METTL15: variants seen among roughly 807,000 people sequenced by gnomAD.
METTL15 encodes methyltransferase 15, mitochondrial 12S rRNA N4-cytidine, also known as 12S rRNA N(4)-cytidine methyltransferase METTL15.
METTL15 carries 34 observed loss-of-function variants against 38.3 expected under a neutral mutation model. The ratio of observed to expected loss-of-function variants is 0.89; its 90% CI spans 0.68 to 1.18. METTL15 has a LOEUF of 1.18. Ranked by LOEUF, METTL15 falls within the 50% of genes most tolerant of loss-of-function variation. The probability of loss-of-function intolerance (pLI) is 0.00; values close to 1 mark genes in which losing one functional copy is unlikely to be tolerated. For synonymous variants in METTL15, 162 were observed against 170.9 expected, an observed-to-expected ratio of 0.95 and a Z score of 0.41; for missense variants, 438 against 498.4, an observed-to-expected ratio of 0.88 and a Z score of 1.15.
At chr11:28,149,865 AAAG>A (rs1850019239) in intron 3 of METTL15, among the ~76,000 whole-genome samples, 1 of 152,034 alleles carries the variant, frequency 6.6e-6, no homozygotes, top group African/African-American at 2.4e-5. Context: ...GAGAGTCAAT[AAAG>A]AAAATTCTGA....
intron 6 of METTL15, among the ~76,000 whole-genome samples, chr11:28,319,631 T>C (rs1849391986): frequency 6.6e-6 from 1 of 152,152 alleles, no homozygotes; most frequent in Non-Finnish European, 1.5e-5. Flanking sequence ...CTCAGAATTT[T>C]TGTAAGAATT....
Position 28,245,490 on chromosome 11 carries a change from T to A in METTL15, c.407+34292T>A, listed in dbSNP as rs539835626. The stretch of plus-strand genomic sequence containing the variant: ...CAAAGCTTGATTTTTTTAGTGATCA[T>A]GAAAAAAAAAGTATCACATGAAAAT... On this transcript the variant is annotated intron_variant, in intron 4 of 6. Coordinates refer to ENST00000407364, the MANE Select transcript of METTL15 (RefSeq NM_001113528.2). Among the ~76,000 whole-genome samples, 45 of 151,724 alleles carry A rather than the reference T, an allele frequency of 3.0e-4. No homozygotes were observed. In the East Asian group the frequency reaches 6.8e-3, roughly 23 times the overall value.
At chr11:28,260,573 G>T (rs186370510) in intron 4 of METTL15, among the ~76,000 whole-genome samples, 7 of 152,096 alleles carry the variant, frequency 4.6e-5, no homozygotes, top group African/African-American at 1.7e-4. Flanking sequence ...TTTGTTGACT[G>T]ATTCGTTCCC....
At chr11:28,276,512 G>A (rs1855848513) in intron 4 of METTL15, among the ~76,000 whole-genome samples, 1 of 152,074 alleles carries the variant, frequency 6.6e-6, no homozygotes, top group African/African-American at 2.4e-5. Flanking sequence ...TGACCATATT[G>A]CCCAAAGCAA....
chr11:28,525,606 A>G (rs1851803703), intron 6 of METTL15, among the ~76,000 whole-genome samples: 1 of 152,216 alleles, frequency 6.6e-6, no homozygotes. Context: ...AGCTAGACAC[A>G]GAGTGCTGAT....
chr11:28,219,068 C>T (rs1206297085), intron 4 of METTL15, among the ~76,000 whole-genome samples: 1 of 152,082 alleles, frequency 6.6e-6, no homozygotes. Context: ...ATGATGCTGG[C>T]CTCATAAAAT....
intron 2 of METTL15, among the ~76,000 whole-genome samples, chr11:28,112,923 G>A (rs1386579941): frequency 1.3e-5 from 2 of 152,112 alleles, no homozygotes; most frequent in Non-Finnish European, 2.9e-5. Context: ...AATCCGTTCA[G>A]TCATCCTGAT....
At chr11:28,108,820 A>G (rs1038516552) in intron 1 of METTL15, among the ~76,000 whole-genome samples, 20 of 152,192 alleles carry the variant, frequency 1.3e-4, no homozygotes, top group African/African-American at 4.8e-4. Context: ...GTTTATTATT[A>G]GGTGAAGTGA....
intron 6 of METTL15, among the ~76,000 whole-genome samples, chr11:28,455,279 G>T (rs569092844): frequency 8.2e-4 from 111 of 135,928 alleles, no homozygotes; most frequent in Non-Finnish European, 1.3e-3. Flanking sequence ...TTAGCCCATG[G>T]TATCAATTTA....
At chr11:28,166,087 T>G (rs1163096423) in intron 3 of METTL15, among the ~76,000 whole-genome samples, 1 of 152,186 alleles carries the variant, frequency 6.6e-6, no homozygotes, top group East Asian at 1.9e-4. Flanking sequence ...CTTCCAACTT[T>G]GTTATTTTTG....
At position 28,369,952 on chromosome 11, in the gene METTL15, A is replaced by C. The variant is rs1205008511; in HGVS notation, c.*358+7916A>C. 5.3e-5 allele frequency among the ~76,000 whole-genome samples: 8 copies of C among 152,176 alleles called. No individual in the cohort carries two copies. In the East Asian group the frequency reaches 1.3e-3, roughly 26 times the overall value. On this transcript the variant is annotated intron_variant and NMD_transcript_variant, in intron 5 of 7. Transcript: ENST00000532947. ...AAATTTTATTCTCTCATTAATACTT[A>C]ATGGGTATACATATGTTGGAGGTAC...
chr11:28,429,056 C>T (rs1345437362), intron 6 of METTL15, among the ~76,000 whole-genome samples: 1 of 152,130 alleles, frequency 6.6e-6, no homozygotes, highest in South Asian at 2.1e-4. Flanking sequence ...CTACCTCTCT[C>T]CTACATGGTA....
intron 3 of METTL15, among the ~76,000 whole-genome samples, chr11:28,186,766 AT>A (rs200408958): frequency 4.6e-5 from 7 of 150,584 alleles, no homozygotes; most frequent in East Asian, 3.9e-4. Flanking sequence ...GTAATATAAC[AT>A]TTTTTTTTAA....
At chr11:28,414,657 G>C (rs1850758165) in intron 5 of METTL15, among the ~76,000 whole-genome samples, 1 of 151,994 alleles carries the variant, frequency 6.6e-6, no homozygotes, top group Non-Finnish European at 1.5e-5. Context: ...TTTATTTTTT[G>C]TTTTTGAGAA....
At chr11:28,406,462 A>G (rs142093675) in intron 5 of METTL15, among the ~76,000 whole-genome samples, 5,657 of 152,168 alleles carry the variant, frequency 0.037, 355 homozygotes, top group African/African-American at 0.13. Context: ...TATCAGCTTA[A>G]GAAGCTTTTG....
At chr11:28,317,240 T>C (rs1857512393) in intron 6 of METTL15, among the ~76,000 whole-genome samples, 1 of 152,106 alleles carries the variant, frequency 6.6e-6, no homozygotes, top group Non-Finnish European at 1.5e-5. Flanking sequence ...TGAAGAAGTT[T>C]AAAAAGAACC....
chr11:28,318,711 A>G (rs1283644623), intron 6 of METTL15, among the ~76,000 whole-genome samples: 1 of 152,180 alleles, frequency 6.6e-6, no homozygotes, highest in Non-Finnish European at 1.5e-5. Context: ...ATCTTGCTTA[A>G]CTGGAGAATA....
At chr11:28,114,168 A>G (rs991170969) in intron 3 of METTL15, among the ~76,000 whole-genome samples, 2 of 152,052 alleles carry the variant, frequency 1.3e-5, no homozygotes, top group African/African-American at 4.8e-5. Flanking sequence ...GACAACCACT[A>G]AGCTATTTTT....
intron 3 of METTL15, among the ~76,000 whole-genome samples, chr11:28,173,109 A>T (rs1179089476): frequency 6.6e-6 from 1 of 152,180 alleles, no homozygotes; most frequent in African/African-American, 2.4e-5. Flanking sequence ...CAAAATTTTT[A>T]ATATAGATTT....
Sources: gnomAD v4.1 joint callset for allele counts (sites outside exome capture counted in the v4.1 genomes callset) on GRCh38, gnomAD v4.1.1 for gene constraint, MANE v1.5 for transcripts, NCBI Gene and HGNC (gene_info 2026-07-23, HGNC 2026-07-21) for gene names.